The following CSMD1 variants were observed in gnomAD, a reference collection of about 807,000 sequenced individuals.
CSMD1 encodes the protein CUB and Sushi multiple domains 1, also known as CUB and sushi domain-containing protein 1.
In CSMD1, 213 loss-of-function variants were observed where a neutral mutation model predicts 417.5. The observed-to-expected ratio is 0.51, with a 90% CI of 0.46 to 0.57. The LOEUF is 0.57. CSMD1 is among the 20% of genes least tolerant of loss of function. The pLI, the probability that CSMD1 is intolerant of heterozygous loss-of-function variation, is 0.00. For synonymous variants in CSMD1, 2,862 were observed against 1,736.8 expected (o/e 1.65, Z -16.11); for missense variants, 6,923 against 4,529.7 (o/e 1.53, Z -15.17).
At chr8:4,038,501 C>A (rs62502693) in intron 3 of CSMD1, among the ~76,000 whole-genome samples, 15 of 152,136 alleles carry the variant, frequency 9.9e-5, no homozygotes, top group African/African-American at 3.6e-4. Flanking sequence ...TTATTTCAAC[C>A]CAATGTCATT....
At chr8:4,974,596 A>T (rs1810438804) in intron 1 of CSMD1, among the ~76,000 whole-genome samples, 1 of 152,176 alleles carries the variant, frequency 6.6e-6, no homozygotes, top group Non-Finnish European at 1.5e-5. Flanking sequence ...TATAACAAAC[A>T]TCAACATATA....
intron 7 of CSMD1, among the ~76,000 whole-genome samples, chr8:3,667,174 AATG>A (rs1477499157): frequency 1.3e-5 from 2 of 152,174 alleles, no homozygotes; most frequent in African/African-American, 4.8e-5. Context: ...CTCACATTCT[AATG>A]ATAAGACAAA....
At chr8:4,185,925 T>C (rs534287449) in intron 3 of CSMD1, among the ~76,000 whole-genome samples, 1 of 152,128 alleles carries the variant, frequency 6.6e-6, no homozygotes, top group Non-Finnish European at 1.5e-5. Flanking sequence ...TTGAGTTCAT[T>C]TCCCTGCAAT....
At position 3,288,251 on chromosome 8, in the gene CSMD1, G is replaced by C. The variant is rs1304137281; in HGVS notation, c.3951-3905C>G. Among the ~76,000 whole-genome samples, 3 of 147,100 alleles carry C rather than the reference G, an allele frequency of 2.0e-5. 1 individual carries two copies. The highest frequency in any genetic ancestry group is 5.4e-5 in the African/African-American group (2 of 36,958). ...TGCATCGATGTTCATCAGGGATATT[G>C]GTCTAAAGTTCTCTTTTTTTGTTCT... is the stretch of plus-strand genomic sequence containing the variant. On this transcript the variant is annotated intron_variant, in intron 25 of 69. Coordinates refer to ENST00000635120, the MANE Select transcript of CSMD1 (RefSeq NM_033225.6).
intron 11 of CSMD1, among the ~76,000 whole-genome samples, chr8:3,487,467 T>A (rs894935480): frequency 6.6e-6 from 1 of 152,092 alleles, no homozygotes; most frequent in South Asian, 2.1e-4. Flanking sequence ...TCCCCAAGTG[T>A]TGGGATTACA....
At chr8:3,174,449 C>G (rs1820783206) in intron 37 of CSMD1, among the ~76,000 whole-genome samples, 1 of 152,162 alleles carries the variant, frequency 6.6e-6, no homozygotes, top group African/African-American at 2.4e-5. Context: ...GAGCTGAGAT[C>G]ATGCCACTGC....
chr8:3,491,224 G>C (rs899004050), intron 11 of CSMD1, among the ~76,000 whole-genome samples: 3 of 152,142 alleles, frequency 2.0e-5, no homozygotes, highest in Non-Finnish European at 4.4e-5. Flanking sequence ...AAAGACTCAA[G>C]ATCCTGGAGC....
At chr8:3,306,529 C>CTAAT (rs999883783) in intron 25 of CSMD1, among the ~76,000 whole-genome samples, 1 of 152,084 alleles carries the variant, frequency 6.6e-6, no homozygotes, top group African/African-American at 2.4e-5. Context: ...AGCAGCTGGG[C>CTAAT]TGATTCATTT....
At chr8:4,168,380 G>C (rs529567181) in intron 3 of CSMD1, among the ~76,000 whole-genome samples, 17 of 151,938 alleles carry the variant, frequency 1.1e-4, no homozygotes. Flanking sequence ...TGGTGACAGA[G>C]TGAGACCCTT....
chr8:4,280,105 C>G (rs1331397696), intron 3 of CSMD1, among the ~76,000 whole-genome samples: 2 of 152,206 alleles, frequency 1.3e-5, no homozygotes, highest in Admixed American at 6.5e-5. Context: ...TTTGTATGCT[C>G]TCTTCATTAC....
intron 1 of CSMD1, among the ~76,000 whole-genome samples, chr8:4,894,273 T>C (rs1267694961): frequency 6.6e-6 from 1 of 152,064 alleles, no homozygotes; most frequent in Non-Finnish European, 1.5e-5. Flanking sequence ...AAGTCTTTTG[T>C]TTTGCTTTTT....
intron 3 of CSMD1, among the ~76,000 whole-genome samples, chr8:4,398,962 G>A (rs977408261): frequency 3.3e-5 from 5 of 152,146 alleles, no homozygotes; most frequent in African/African-American, 1.2e-4. Flanking sequence ...TTTTTTAAAA[G>A]CTTCTTCCAG....
intron 4 of CSMD1, among the ~76,000 whole-genome samples, chr8:4,004,211 A>G (rs1354850919): frequency 6.6e-6 from 1 of 152,066 alleles, no homozygotes; most frequent in Non-Finnish European, 1.5e-5. Flanking sequence ...GAGGGATTTA[A>G]AAACTCCTTC....
At chr8:3,072,692 G>C (rs1398956564) in intron 49 of CSMD1, among the ~76,000 whole-genome samples, 1 of 152,152 alleles carries the variant, frequency 6.6e-6, no homozygotes, top group African/African-American at 2.4e-5. Flanking sequence ...ATGTGGCAGA[G>C]AAACGATGCC....
chr8:3,579,738 T>C (rs974865900), intron 9 of CSMD1, among the ~76,000 whole-genome samples: 4 of 152,208 alleles, frequency 2.6e-5, no homozygotes, highest in Non-Finnish European at 5.9e-5. Context: ...ATTAGAATAA[T>C]CATAACTCCA....
At chr8:3,087,370 AATGG>A in intron 48 of CSMD1, 85 bp from the exon 49 acceptor site, 1 of 1,356,000 alleles carries the variant, frequency 7.4e-7, no homozygotes, top group Non-Finnish European at 1.0e-6. Flanking sequence ...TCTATAAATG[AATGG>A]CTTCTCATTT....
At chr8:4,767,958 G>A (rs1342134041) in intron 1 of CSMD1, among the ~76,000 whole-genome samples, 7 of 152,196 alleles carry the variant, frequency 4.6e-5, no homozygotes, top group African/African-American at 1.2e-4. Context: ...GTACTCGAGG[G>A]CGTGGGTCAA....
At position 4,399,996 on chromosome 8, in the gene CSMD1, A is replaced by G. The variant is rs553600635; in HGVS notation, c.415+19957T>C. On this transcript the variant is annotated intron_variant, in intron 3 of 69. Coordinates refer to ENST00000635120, the MANE Select transcript of CSMD1 (RefSeq NM_033225.6). ...ACCAGGTTGATAAGCCTTTCTTTCC[A>G]AGTGAATTCCCACACCATCTAGTGG... Among the ~76,000 whole-genome samples the G allele has an allele frequency of 9.9e-5, 15 of 152,274 alleles. No homozygotes were observed. In the South Asian group the frequency reaches 3.1e-3, roughly 32 times the overall value.
At chr8:3,464,242 A>C (rs946146545) in intron 12 of CSMD1, among the ~76,000 whole-genome samples, 2 of 152,098 alleles carry the variant, frequency 1.3e-5, no homozygotes, top group Non-Finnish European at 2.9e-5. Context: ...TTCAGAGTCA[A>C]CTCACTTTAC....
Sources: allele counts gnomAD v4.1 joint callset (sites outside exome capture counted in the v4.1 genomes callset), GRCh38; gene constraint gnomAD v4.1.1; transcripts MANE v1.5; gene names NCBI Gene and HGNC (gene_info 2026-07-23, HGNC 2026-07-21).